Variants in SRCIN1 observed in about 807,000 individuals in gnomAD.
SRCIN1 encodes P130Cas-associated protein.
SRCIN1 carries 50 observed loss-of-function variants against 116.2 expected under a neutral mutation model. The ratio of observed to expected loss-of-function variants is 0.43; its 90% CI spans 0.34 to 0.54. The LOEUF is 0.54. SRCIN1 is among the 20% of genes least tolerant of loss of function. The pLI is 0.02. For synonymous variants in SRCIN1, 736 were observed against 750.0 expected (o/e 0.98, Z 0.30); for missense variants, 1,446 against 1,672.0 (o/e 0.86, Z 2.36).
chr17:38,550,047 A>G (rs560593394), intron 15 of SRCIN1, among the ~76,000 whole-genome samples: 1 of 152,370 alleles, frequency 6.6e-6, no homozygotes, highest in African/African-American at 2.4e-5. Flanking sequence ...CAGTACCGGC[A>G]TTCACCTCTG....
In SRCIN1 at chr17:38,604,919, G is replaced by A. The variant is rs533660262; in HGVS notation, c.22+765C>T. Among the ~76,000 whole-genome samples the A allele has an allele frequency of 2.0e-5, 3 of 151,104 alleles. No homozygotes were observed. In the East Asian group the frequency reaches 6.0e-4, roughly 30 times the overall value. Reference sequence around the variant, plus strand: ...CCTCCCCTGCCCCCTGGCCTCTGCAGGGGGAGGGGTTAAGATCAAATAGCC... The same window carrying A: ...CCTCCCCTGCCCCCTGGCCTCTGCAAGGGGAGGGGTTAAGATCAAATAGCC... On this transcript the variant is annotated intron_variant, in intron 1 of 18. Coordinates refer to ENST00000617146, the MANE Select transcript of SRCIN1 (RefSeq NM_025248.3). The surrounding 1 kb of genome is among the most constrained non-coding windows in gnomAD (Gnocchi z 4.3).
At chr17:38,583,558 T>TTTG (rs1567878628) in intron 1 of SRCIN1, among the ~76,000 whole-genome samples, 5 of 148,094 alleles carry the variant, frequency 3.4e-5, no homozygotes, top group South Asian at 4.3e-4. Context: ...GTTTTTTTTT[T>TTTG]TTTTTTTTTT....
chr17:38,572,062 T>A lies in SRCIN1; in HGVS notation c.325-3831A>T, dbSNP rs940098707. On this transcript the variant is annotated intron_variant, in intron 2 of 18. Coordinates refer to ENST00000617146, the MANE Select transcript of SRCIN1 (RefSeq NM_025248.3). The surrounding 1 kb of genome is among the most constrained non-coding windows in gnomAD (Gnocchi z 4.3). Reference sequence around the variant, plus strand: ...CCCTGGGCAGGCATCCCCAGCAGGTTCAGTGAGCAAATGACCCCTCCTTGA... The same window carrying A: ...CCCTGGGCAGGCATCCCCAGCAGGTACAGTGAGCAAATGACCCCTCCTTGA... Among the ~76,000 whole-genome samples, 7 of 151,904 alleles carry A rather than the reference T, an allele frequency of 4.6e-5. No individual in the cohort carries two copies. The highest frequency in any genetic ancestry group is 1.0e-4 in the Non-Finnish European group (7 of 67,960).
chr17:38,604,191 AC>A lies in SRCIN1; in HGVS notation c.22+1492del, dbSNP rs1452968386. Among the ~76,000 whole-genome samples, 1 of 150,418 alleles carries A rather than the reference AC, an allele frequency of 6.6e-6. No homozygotes were observed. Among genetic ancestry groups the A allele is most frequent in the South Asian group, 2.1e-4 (1 of 4,728 alleles). On this transcript the variant is annotated intron_variant, in intron 1 of 18. Transcript: ENST00000617146. The surrounding 1 kb of genome is among the most constrained non-coding windows in gnomAD (Gnocchi z 4.3). Reference sequence around the variant, plus strand: ...GAGTCGGGAAGAAGGTATCCTGACGACCCCCCAAAAGTGCTCAAACCCCACC... The same window carrying A: ...GAGTCGGGAAGAAGGTATCCTGACGACCCCCAAAAGTGCTCAAACCCCACC...
In SRCIN1 at chr17:38,552,700, C is replaced by T; in HGVS notation, c.2332+25G>A. On this transcript the variant is annotated intron_variant, in intron 12 of 18. Transcript: ENST00000617146. This position sits in a 1 kb window ranked among gnomAD's most constrained non-coding sequence, Gnocchi z 5.3. ...AGACTTCCCCACCCTGAACAACGTG[C>T]TGCATTCGCAGGCCCCAGACCCACC... The T allele has an allele frequency of 6.2e-7, 1 of 1,613,222 alleles. No individual in the cohort carries two copies. Among genetic ancestry groups the T allele is most frequent in the South Asian group, 1.1e-5 (1 of 91,034 alleles).
Position 38,585,688 on chromosome 17 carries a change from G to A in SRCIN1, c.23-6897C>T, listed in dbSNP as rs184679446. Among the ~76,000 whole-genome samples, 75 of 152,180 alleles carry A rather than the reference G, an allele frequency of 4.9e-4. No individual in the cohort carries two copies. The highest frequency in any genetic ancestry group is 1.8e-3 in the African/African-American group (74 of 41,528). On this transcript the variant is annotated intron_variant, in intron 1 of 18. Coordinates refer to ENST00000617146, the MANE Select transcript of SRCIN1 (RefSeq NM_025248.3). The surrounding 1 kb of genome is among the most constrained non-coding windows in gnomAD (Gnocchi z 4.2). ...TCTGTTTTCTAAAACCATCTTTTCC[G>A]CCCCATACCACAGCAACCAAAGTCA...
chr17:38,586,192 G>A (rs1908103278), intron 1 of SRCIN1, among the ~76,000 whole-genome samples: 1 of 152,206 alleles, frequency 6.6e-6, no homozygotes, highest in Non-Finnish European at 1.5e-5. Flanking sequence ...GGCCAGGCAA[G>A]TTGTCTTCAA....
intron 2 of SRCIN1, among the ~76,000 whole-genome samples, chr17:38,577,952 G>A (rs1041545624): frequency 2.0e-5 from 3 of 152,140 alleles, no homozygotes; most frequent in Non-Finnish European, 4.4e-5. Context: ...GGGTGGAACA[G>A]GGAGGAAAGA....
rs865911380 is a variant in SRCIN1 at position 38,564,259 on chromosome 17, C to T, written c.400G>A (p.Ala134Thr). Residue 134 changes from alanine (A) to threonine (T), a missense_variant, in exon 4 of 19, where the codon GCA becomes ACA. Ala to Thr is a moderately conservative substitution (Grantham distance 58, BLOSUM62 0). Around this residue, in one of 5 missense-constraint regions of SRCIN1, gnomAD observed 246 missense variants for 265.1 expected, o/e 0.93. Transcript: ENST00000617146. ...TCGGCGGAGGCGTAGGACAGCTTTG[C>T]CGCCTGGTCTGCCAGCCCGGGCTGG... ...GAQPGLADQA[A>T]KLSYASAESL... is the part of the protein sequence containing the mutation. The T allele has an allele frequency of 6.4e-7, 1 of 1,574,584 alleles. No homozygotes were observed. Among genetic ancestry groups the T allele is most frequent in the Non-Finnish European group, 8.6e-7 (1 of 1,162,668 alleles).
At chr17:38,543,285 A>G (rs762738841) in intron 18 of SRCIN1, 152 of 446,226 alleles carry the variant, frequency 3.4e-4, no homozygotes, top group Non-Finnish European at 5.8e-4. Flanking sequence ...GCAGATGCAA[A>G]GTTGGCTTCT....
intron 15 of SRCIN1, 69 bp downstream of exon 15, chr17:38,551,086 T>A (rs1833902475): frequency 1.5e-6 from 1 of 664,740 alleles, no homozygotes. Flanking sequence ...GCCTCCCCCA[T>A]CAGCCTGGGC....
chr17:38,581,460 C>T (rs116563983), intron 1 of SRCIN1, among the ~76,000 whole-genome samples: 3,615 of 144,204 alleles, frequency 0.025, 159 homozygotes, highest in African/African-American at 0.088. Flanking sequence ...GCCACCACAC[C>T]CAGGTCTTTT....
At chr17:38,569,414 G>A (rs1367739125) in intron 2 of SRCIN1, among the ~76,000 whole-genome samples, 1 of 152,196 alleles carries the variant, frequency 6.6e-6, no homozygotes, top group Non-Finnish European at 1.5e-5. Context: ...GCAGAGGAGA[G>A]GGACATCGAA....
chr17:38,593,638 A>G (rs1201193337), intron 1 of SRCIN1, among the ~76,000 whole-genome samples: 1 of 152,180 alleles, frequency 6.6e-6, no homozygotes, highest in Non-Finnish European at 1.5e-5. Flanking sequence ...TACAATGCAC[A>G]ACCCAGCATC....
intron 18 of SRCIN1, among the ~76,000 whole-genome samples, chr17:38,533,710 G>A (rs1331899528): frequency 1.5e-5 from 2 of 134,814 alleles, no homozygotes; most frequent in African/African-American, 5.4e-5. Flanking sequence ...AGAGCGACCA[G>A]AGAAGCACAG....
chr17:38,574,711 G>T (rs1597917303), intron 2 of SRCIN1, among the ~76,000 whole-genome samples: 2 of 152,188 alleles, frequency 1.3e-5, no homozygotes, highest in East Asian at 1.9e-4. Flanking sequence ...TCGGGCAGAT[G>T]TGAGTACGGG....
chr17:38,545,386 G>A (rs866095455), intron 17 of SRCIN1: 2 of 152,822 alleles, frequency 1.3e-5, no homozygotes, highest in Non-Finnish European at 2.9e-5. Flanking sequence ...GGCCTCTGGC[G>A]GGGAGGGAGG....
chr17:38,545,271 C>T (rs1043123372), intron 17 of SRCIN1: 11 of 153,010 alleles, frequency 7.2e-5, no homozygotes, highest in Middle Eastern at 3.4e-3. Context: ...AAGTCTCCCC[C>T]ACTACCCCTG....
Position 38,604,134 on chromosome 17 carries a change from T to C in SRCIN1, c.22+1550A>G, listed in dbSNP as rs186256089. ...GGCAAGGAATTAGACAGCAAAGCAG[T>C]TGGCTCAAGGTCACCCAGACCAAGA... On this transcript the variant is annotated intron_variant, in intron 1 of 18. Transcript: ENST00000617146. This position sits in a 1 kb window ranked among gnomAD's most constrained non-coding sequence, Gnocchi z 4.3. Among the ~76,000 whole-genome samples the C allele has an allele frequency of 6.6e-6, 1 of 152,188 alleles. No individual in the cohort carries two copies. The highest frequency in any genetic ancestry group is 2.4e-5 in the African/African-American group (1 of 41,524).
Sources: allele counts gnomAD v4.1 joint callset (sites outside exome capture counted in the v4.1 genomes callset), GRCh38; gene constraint gnomAD v4.1.1; regional missense constraint gnomAD v4.1.1; non-coding constraint Gnocchi (gnomAD v3.1); transcripts MANE v1.5; gene names NCBI Gene and HGNC (gene_info 2026-07-23, HGNC 2026-07-21).